Variants in QTRT2 observed in about 807,000 individuals in gnomAD.
The protein encoded by QTRT2 is queuine tRNA-ribosyltransferase domain containing 1.
QTRT2 carries 32 observed loss-of-function variants against 44.8 expected under a neutral mutation model. That is an observed-to-expected ratio of 0.71 (90% confidence interval 0.54 to 0.96). The LOEUF is 0.96. Among genes scored for constraint, QTRT2 ranks in the 40% least tolerant of loss-of-function variants. The probability of loss-of-function intolerance (pLI) is 0.00; values close to 1 mark genes in which losing one functional copy is unlikely to be tolerated. For synonymous variants in QTRT2, 182 were observed against 187.4 expected, an observed-to-expected ratio of 0.97 and a Z score of 0.24; for missense variants, 461 against 503.1, an observed-to-expected ratio of 0.92 and a Z score of 0.80.
chr3:114,087,729 G>C lies in QTRT2; in HGVS notation c.*1825G>C, dbSNP rs565640377. ...TGCTTGGTTTCTGGGGAGGCCTCCG[G>C]AAGCTTATAGTCATGACAGAAGGTG... On this transcript the variant is annotated 3_prime_UTR_variant, in exon 10 of 10. Transcript: ENST00000281273. 2 of 152,228 alleles carry C rather than the reference G, an allele frequency of 1.3e-5. No homozygotes were observed. The highest frequency in any genetic ancestry group is 6.6e-5 in the Admixed American group (1 of 15,250). The allele number at this position is 152,228 out of a possible 1,614,324, so 9.4% of individuals were successfully genotyped here. A position where few individuals can be genotyped will look rare whatever the true frequency, so the allele number is the denominator to read the frequency against.
chr3:114,070,608 C>G lies in QTRT2; in HGVS notation c.334-18C>G, dbSNP rs138235507. The G allele has an allele frequency of 4.8e-5, 77 of 1,604,772 alleles. No homozygotes were observed. Among genetic ancestry groups the G allele is most frequent in the African/African-American group, 2.8e-4 (21 of 74,854 alleles). ...CATTTTACTCTTGCTAATTCCTCAT[C>G]ATTTTGCTCCATGGCAGTCTGTGTC... On this transcript the variant is annotated intron_variant, in intron 5 of 9. Transcript: ENST00000281273.
chr3:114,074,056 G>A (rs927288517), intron 6 of QTRT2, among the ~76,000 whole-genome samples: 12 of 152,252 alleles, frequency 7.9e-5, no homozygotes. Flanking sequence ...CGAGGTGGTC[G>A]GGTGCAGCAA....
Position 114,056,768 on chromosome 3 carries a change from A to C in QTRT2, c.-226A>C, listed in dbSNP as rs765932594. On this transcript the variant is annotated 5_prime_UTR_variant, in exon 1 of 10. Transcript: ENST00000281273. ...CCCTGATTGGCTCTGCACTGGAGGC[A>C]GTGATTTTGGGGCAGAGAATTTTGC... The C allele has an allele frequency of 6.7e-6, 10 of 1,487,070 alleles. No individual in the cohort carries two copies. The highest frequency in any genetic ancestry group is 9.0e-6 in the Non-Finnish European group (10 of 1,109,970). The allele number at this position is 1,487,070 out of a possible 1,614,324, so 92.1% of individuals were successfully genotyped here. A position where few individuals can be genotyped will look rare whatever the true frequency, so the allele number is the denominator to read the frequency against.
At chr3:114,078,873 A>AT (rs1373545534) in intron 7 of QTRT2, 2 of 152,190 alleles carry the variant, frequency 1.3e-5, no homozygotes, top group Admixed American at 1.3e-4. Flanking sequence ...GGAAACCACC[A>AT]TCTTATTCCA....
Position 114,076,893 on chromosome 3 carries a change from C to G in QTRT2, c.697C>G (p.Leu233Val), listed in dbSNP as rs2077098502. ...QGNPTTLEARLRLLSSVTAEL... is the reference protein window; with the variant it reads ...QGNPTTLEARVRLLSSVTAEL... ...AAATCCAACAACCCTGGAGGCTAGA[C>G]TACGCTTGCTGTCATCAGTCACTGC... is the stretch of plus-strand genomic sequence containing the variant. Residue 233 changes from leucine (L) to valine (V), a missense_variant, in exon 7 of 10, where the codon CTA becomes GTA. Physicochemically the swap from Leu to Val is conservative, Grantham distance 32. Coordinates refer to ENST00000281273, the MANE Select transcript of QTRT2 (RefSeq NM_024638.4). 3 of 1,614,162 alleles carry G rather than the reference C, an allele frequency of 1.9e-6. No individual in the cohort carries two copies. The highest frequency in any genetic ancestry group is 2.7e-5 in the African/African-American group (2 of 75,036).
chr3:114,071,312 C>CT (rs2077021563), intron 6 of QTRT2, among the ~76,000 whole-genome samples: 2 of 152,166 alleles, frequency 1.3e-5, no homozygotes, highest in South Asian at 4.2e-4. Context: ...TTGAGCTTTT[C>CT]TTTTTCTTTT....
chr3:114,059,608 C>T (rs1377322521), intron 2 of QTRT2, among the ~76,000 whole-genome samples: 1 of 143,338 alleles, frequency 7.0e-6, no homozygotes, highest in Non-Finnish European at 1.6e-5. Context: ...GGACAAAATT[C>T]CATTTTTTTA....
chr3:114,060,367 G>C (rs569585664), intron 2 of QTRT2, among the ~76,000 whole-genome samples: 2 of 152,352 alleles, frequency 1.3e-5, no homozygotes, highest in South Asian at 4.1e-4. Context: ...CAACCTTGGA[G>C]AATCTGAGAT....
chr3:114,067,368 G>A (rs974458470), intron 4 of QTRT2, among the ~76,000 whole-genome samples: 3 of 151,972 alleles, frequency 2.0e-5, no homozygotes, highest in Admixed American at 2.0e-4. Context: ...TTTCCTTAAC[G>A]AAAATGTGGG....
intron 8 of QTRT2, among the ~76,000 whole-genome samples, chr3:114,081,138 T>C (rs945818037): frequency 6.6e-6 from 1 of 152,236 alleles, no homozygotes; most frequent in Non-Finnish European, 1.5e-5. Context: ...ATTTGAGTTC[T>C]CTGTAAAGAA....
At position 114,085,927 on chromosome 3, in the gene QTRT2, C is replaced by A. The variant is rs2077231626; in HGVS notation, c.*23C>A. The A allele has an allele frequency of 6.6e-7, 1 of 1,522,278 alleles. No homozygotes were observed. Among genetic ancestry groups the A allele is most frequent in the East Asian group, 2.3e-5 (1 of 44,424 alleles). The allele number at this position is 1,522,278 out of a possible 1,614,324, so 94.3% of individuals were successfully genotyped here. On this transcript the variant is annotated 3_prime_UTR_variant, in exon 10 of 10. Coordinates refer to ENST00000281273, the MANE Select transcript of QTRT2 (RefSeq NM_024638.4). ...TGAGATCTTGCAAATACAAGTCTCA[C>A]TCTTCACACTGAGCCTGTACCACTG...
chr3:114,065,286 A>G lies in QTRT2; in HGVS notation c.29A>G (p.Asn10Ser), dbSNP rs771731334. ...AAGCTGAGTCTTACCAAGGTAGTTA[A>G]TGGCTGTCGCCTAGGAAAAATAAAA... MKLSLTKVVNGCRLGKIKNL... is the reference protein window; with the variant it reads MKLSLTKVVSGCRLGKIKNL... The change falls in exon 3 of 10, where the codon AAT becomes AGT. Residue 10 changes from asparagine to serine, a missense_variant. Physicochemically the swap from Asn to Ser is conservative, Grantham distance 46. Transcript: ENST00000281273. 39 of 1,614,126 alleles carry G rather than the reference A, an allele frequency of 2.4e-5. No homozygotes were observed. Among genetic ancestry groups the G allele is most frequent in the Middle Eastern group, 3.3e-4 (2 of 6,062 alleles).
At chr3:114,077,004 T>C in intron 7 of QTRT2, 62 bp downstream of exon 7, 5 of 1,465,038 alleles carry the variant, frequency 3.4e-6, no homozygotes, top group Non-Finnish European at 9.5e-7. Flanking sequence ...TGCTGGCCGA[T>C]TGTATATTAA....
intron 2 of QTRT2, among the ~76,000 whole-genome samples, chr3:114,059,417 A>G (rs1287189750): frequency 6.6e-6 from 1 of 152,082 alleles, no homozygotes; most frequent in Non-Finnish European, 1.5e-5. Context: ...GGAAATAATC[A>G]CTCTCAAAGC....
rs2077012694 is a variant in QTRT2, at chr3:114,070,650, G to A, written c.358G>A (p.Gly120Arg). The change falls in exon 6 of 10, where the codon GGA becomes AGA. Residue 120 changes from glycine to arginine, a missense_variant. Gly to Arg is a moderately radical substitution (Grantham distance 125, BLOSUM62 -2). Coordinates refer to ENST00000281273, the MANE Select transcript of QTRT2 (RefSeq NM_024638.4). Reference sequence around the variant, plus strand: ...GTCTGTGTCTGTGTGGAGTGTTGCAGGACGAGTGGAAATGACTGTTTCCAA... The same window carrying A: ...GTCTGTGTCTGTGTGGAGTGTTGCAAGACGAGTGGAAATGACTGTTTCCAA... ...NKSVSVWSVAGRVEMTVSKFM... is the reference protein window; with the variant it reads ...NKSVSVWSVARRVEMTVSKFM... 6.2e-7 allele frequency: 1 copy of A among 1,613,970 alleles called. No individual in the cohort carries two copies. The highest frequency in any genetic ancestry group is 8.5e-7 in the Non-Finnish European group (1 of 1,179,990).
intron 2 of QTRT2, among the ~76,000 whole-genome samples, chr3:114,061,004 C>T (rs2076880094): frequency 6.6e-6 from 1 of 152,166 alleles, no homozygotes; most frequent in Non-Finnish European, 1.5e-5. Flanking sequence ...CATTATGCTA[C>T]TCAGAATGGC....
At position 114,079,955 on chromosome 3, in the gene QTRT2, A is replaced by G. The variant is rs772016664; in HGVS notation, c.796A>G (p.Arg266Gly). The change falls in exon 8 of 10, where the codon AGA becomes GGA. Residue 266 changes from arginine to glycine, a missense_variant. Coordinates refer to ENST00000281273, the MANE Select transcript of QTRT2 (RefSeq NM_024638.4). ...AGATGAGGTGCTCGAGTGTATTGAA[A>G]GAGGAGTGGACTTATTTGAGAGTTT... ...RPDEVLECIE[R>G]GVDLFESFFP... is the part of the protein sequence containing the mutation. 13 of 1,613,824 alleles carry G rather than the reference A, an allele frequency of 8.1e-6. No homozygotes were observed. Among genetic ancestry groups the G allele is most frequent in the Admixed American group, 5.0e-5 (3 of 59,986 alleles).
rs2077241475 is a variant in QTRT2, at chr3:114,086,717, G to A, written c.*813G>A. 1 of 152,256 alleles carries A rather than the reference G, an allele frequency of 6.6e-6. No individual in the cohort carries two copies. The highest frequency in any genetic ancestry group is 1.5e-5 in the Non-Finnish European group (1 of 68,094). 9.4% of individuals were successfully genotyped at this position (152,256 alleles called of 1,614,324 possible). ...AGATTCATTCTCAATGTGTTCACTT[G>A]GACAGAGCCCTGCCTGGCCTAACGA... On this transcript the variant is annotated 3_prime_UTR_variant, in exon 10 of 10. Transcript: ENST00000281273.
intron 5 of QTRT2, among the ~76,000 whole-genome samples, chr3:114,069,594 T>C (rs1352259650): frequency 2.0e-5 from 3 of 152,212 alleles, no homozygotes; most frequent in Non-Finnish European, 4.4e-5. Flanking sequence ...TTTATGGCTG[T>C]ATAATATCCC....
Sources: gnomAD v4.1 joint callset for allele counts (sites outside exome capture counted in the v4.1 genomes callset) on GRCh38, gnomAD v4.1.1 for gene constraint, MANE v1.5 for transcripts, NCBI Gene and HGNC (gene_info 2026-07-23, HGNC 2026-07-21) for gene names.